The following HECW1 variants were observed in gnomAD, a reference collection of about 807,000 sequenced individuals.
HECW1 encodes E3 ubiquitin-protein ligase HECW1.
Under a neutral mutation model 182.3 loss-of-function variants are expected in HECW1, and 61 were observed. That is an observed-to-expected ratio of 0.33 (90% CI 0.27 to 0.41). The LOEUF is 0.41. Among genes scored for constraint, HECW1 ranks in the 10% least tolerant of loss-of-function variants. HECW1 has a pLI of 1.00. For synonymous variants in HECW1, 859 were observed against 832.6 expected, an observed-to-expected ratio of 1.03 and a Z score of -0.55; for missense variants, 1,739 against 2,108.9, an observed-to-expected ratio of 0.82 and a Z score of 3.44.
chr7:43,432,286 C>A lies in HECW1; in HGVS notation c.802-5717C>A, dbSNP rs1349358683. Among the ~76,000 whole-genome samples, 1 of 151,438 alleles carries A rather than the reference C, an allele frequency of 6.6e-6. No homozygotes were observed. Among genetic ancestry groups the A allele is most frequent in the Non-Finnish European group, 1.5e-5 (1 of 67,724 alleles). On this transcript the variant is annotated intron_variant, in intron 8 of 29. Coordinates refer to ENST00000395891, the MANE Select transcript of HECW1 (RefSeq NM_015052.5). This position sits in a 1 kb window ranked among gnomAD's most constrained non-coding sequence, Gnocchi z 4.1. ...TCCCAAGTAGCTGGGACTACAGGCG[C>A]CCGCCACTACACCCGGCTAATTTTT...
intron 17 of HECW1, among the ~76,000 whole-genome samples, chr7:43,488,488 G>GAAAGAAAGAAAGAAAGAA (rs767310220): frequency 8.9e-6 from 1 of 112,616 alleles, no homozygotes; most frequent in African/African-American, 3.6e-5. Flanking sequence ...AAGAAAGAAA[G>GAAAGAAAGAAAGAAAGAA]AGAAAGAAAG....
intron 3 of HECW1, among the ~76,000 whole-genome samples, chr7:43,263,861 C>T (rs1801450931): frequency 6.6e-6 from 1 of 152,126 alleles, no homozygotes; most frequent in Non-Finnish European, 1.5e-5. Flanking sequence ...CATGTTTCTC[C>T]ACTCCTTACC....
At chr7:43,163,015 C>G (rs1475411496) in intron 2 of HECW1, 4 of 152,168 alleles carry the variant, frequency 2.6e-5, no homozygotes, top group Admixed American at 2.0e-4. Context: ...TGTTAGACTC[C>G]AAATCCTGTG....
intron 2 of HECW1, among the ~76,000 whole-genome samples, chr7:43,172,475 T>G (rs1791796753): frequency 6.6e-6 from 1 of 151,830 alleles, no homozygotes; most frequent in Non-Finnish European, 1.5e-5. Context: ...TGTTTATATA[T>G]CAAAATCCAT....
At chr7:43,185,472 G>A (rs1026494715) in intron 2 of HECW1, among the ~76,000 whole-genome samples, 2 of 152,200 alleles carry the variant, frequency 1.3e-5, no homozygotes, top group Admixed American at 6.5e-5. Context: ...CCAATCTTGT[G>A]GGACTGAGCC....
rs374141328 is a variant in HECW1, at chr7:43,169,690, C to CTTT, written c.-32+55315_-32+55317dup. Among the ~76,000 whole-genome samples the CTTT allele has an allele frequency of 5.5e-3, 627 of 113,442 alleles. 14 individuals are homozygous for CTTT. The highest frequency in any genetic ancestry group is 0.019 in the African/African-American group (551 of 29,402). The allele number at this position is 113,442 out of a possible 152,430, so 74.4% of individuals were successfully genotyped here. A position where few individuals can be genotyped will look rare whatever the true frequency, so the allele number is the denominator to read the frequency against. On this transcript the variant is annotated intron_variant, in intron 2 of 29. Coordinates refer to ENST00000395891, the MANE Select transcript of HECW1 (RefSeq NM_015052.5). ...TTATCTTTGTATCTTTTTTTCTTTT[C>CTTT]TTTTTTTTTTTTTTTTTTGAGACGG...
rs185122321 is a variant in HECW1 at position 43,346,341 on chromosome 7, T to C, written c.461-14545T>C. On this transcript the variant is annotated intron_variant, in intron 5 of 29. Transcript: ENST00000395891. ...GTCCTTAGCCCACTTTTTGATGGGATTGTTTGTTTTTTTCTTACTGATTTG... is the reference window on the plus strand; with the variant it reads ...GTCCTTAGCCCACTTTTTGATGGGACTGTTTGTTTTTTTCTTACTGATTTG... Among the ~76,000 whole-genome samples, 539 of 152,240 alleles carry C rather than the reference T, an allele frequency of 3.5e-3. 1 individual carries two copies. Among genetic ancestry groups the C allele is most frequent in the African/African-American group, 0.013 (524 of 41,544 alleles).
chr7:43,500,815 AG>A, intron 20 of HECW1, 33 bp downstream of exon 20: 1 of 1,564,618 alleles, frequency 6.4e-7, no homozygotes, highest in Non-Finnish European at 8.8e-7. Context: ...CTTCTGGAAA[AG>A]CTTCCCTGGG....
intron 21 of HECW1, 67 bp from the exon 22 acceptor site, chr7:43,507,069 CA>C (rs1219361493): frequency 6.4e-7 from 1 of 1,557,562 alleles, no homozygotes; most frequent in Non-Finnish European, 8.7e-7. Context: ...GACTCCTTCT[CA>C]AAAAAGAAAA....
intron 24 of HECW1, among the ~76,000 whole-genome samples, chr7:43,538,336 G>T (rs1051699715): frequency 6.6e-6 from 1 of 152,200 alleles, no homozygotes; most frequent in African/African-American, 2.4e-5. Context: ...GATTCCTTGA[G>T]ATACCACTGT....
rs771369757 is a variant in HECW1, at chr7:43,392,243, C to G, written c.556-4571C>G. On this transcript the variant is annotated intron_variant, in intron 6 of 29. Coordinates refer to ENST00000395891, the MANE Select transcript of HECW1 (RefSeq NM_015052.5). ...GTTCTATAACTAAAACAAACCTTGTCAGCATGTTTAGGGGAAATAATTCTG... is the reference window on the plus strand; with the variant it reads ...GTTCTATAACTAAAACAAACCTTGTGAGCATGTTTAGGGGAAATAATTCTG... Among the ~76,000 whole-genome samples, 57 of 152,254 alleles carry G rather than the reference C, an allele frequency of 3.7e-4. No individual in the cohort carries two copies. In the Middle Eastern group the frequency reaches 0.014, roughly 36 times the overall value.
rs114629226 is a variant in HECW1 at position 43,526,608 on chromosome 7, G to A, written c.4020-14555G>A. ...CAATAAGGCACTCTGGGTTCTGCCC[G>A]GAACACAATGGCATTGCCATTCCTG... On this transcript the variant is annotated intron_variant, in intron 24 of 29. Coordinates refer to ENST00000395891, the MANE Select transcript of HECW1 (RefSeq NM_015052.5). Among the ~76,000 whole-genome samples the A allele has an allele frequency of 4.8e-3, 737 of 152,236 alleles. 3 individuals are homozygous for A. Among genetic ancestry groups the A allele is most frequent in the African/African-American group, 0.016 (667 of 41,530 alleles).
intron 3 of HECW1, among the ~76,000 whole-genome samples, chr7:43,264,710 G>A (rs904551186): frequency 6.6e-6 from 1 of 152,004 alleles, no homozygotes; most frequent in Non-Finnish European, 1.5e-5. Context: ...CAGGTGTGGT[G>A]GCGGGCACCT....
chr7:43,502,471 A>T (rs1444933191), intron 21 of HECW1, among the ~76,000 whole-genome samples: 1 of 152,202 alleles, frequency 6.6e-6, no homozygotes, highest in Non-Finnish European at 1.5e-5. Flanking sequence ...AGCCTGGGCC[A>T]TATAGTGAGA....
rs904068211 is a variant in HECW1, at chr7:43,438,162, G to T, written c.944+17G>T. On this transcript the variant is annotated intron_variant, in intron 9 of 29. Coordinates refer to ENST00000395891, the MANE Select transcript of HECW1 (RefSeq NM_015052.5). ...CGCCATAGGGTAAACCTGTGACTGA[G>T]ATCTTACTATCACTAGGTTCCCACC... The T allele has an allele frequency of 1.2e-6, 2 of 1,607,170 alleles. No homozygotes were observed. The highest frequency in any genetic ancestry group is 1.1e-5 in the South Asian group (1 of 90,418).
At chr7:43,416,475 T>C (rs958163100) in intron 8 of HECW1, among the ~76,000 whole-genome samples, 38 of 151,938 alleles carry the variant, frequency 2.5e-4, no homozygotes, top group East Asian at 1.7e-3. Context: ...GTTACTGCTG[T>C]CTTTTTGTTT....
chr7:43,417,709 A>C (rs1353021506), intron 8 of HECW1, among the ~76,000 whole-genome samples: 2 of 152,192 alleles, frequency 1.3e-5, no homozygotes, highest in Non-Finnish European at 2.9e-5. Flanking sequence ...AAAAAGGTTT[A>C]AAATGCAGTT....
chr7:43,507,308 C>T (rs758888766), intron 22 of HECW1, 51 bp downstream of exon 22: 4 of 1,575,120 alleles, frequency 2.5e-6, no homozygotes, highest in Non-Finnish European at 2.6e-6. Context: ...TTTTTCAATC[C>T]CTTTCTCCCC....
At position 43,463,643 on chromosome 7, in the gene HECW1, C is replaced by T; in HGVS notation, c.2652-17C>T. The stretch of plus-strand genomic sequence containing the variant: ...AAACCAAAGTTAACTCCTGTCTTTC[C>T]ATTTTCTAATGCAAAGGTATCAAAA... On this transcript the variant is annotated splice_polypyrimidine_tract_variant and intron_variant, in intron 13 of 29. Transcript: ENST00000395891. 1 of 1,607,006 alleles carries T rather than the reference C, an allele frequency of 6.2e-7. No homozygotes were observed.
Sources: allele counts gnomAD v4.1 joint callset (sites outside exome capture counted in the v4.1 genomes callset), GRCh38; gene constraint gnomAD v4.1.1; non-coding constraint Gnocchi (gnomAD v3.1); transcripts MANE v1.5; gene names NCBI Gene and HGNC (gene_info 2026-07-23, HGNC 2026-07-21).